METTL25: variants seen among roughly 807,000 people sequenced by gnomAD.
The protein encoded by METTL25 is probable methyltransferase-like protein 25.
Under a neutral mutation model 71.6 loss-of-function variants are expected in METTL25, and 64 were observed. The ratio of observed to expected loss-of-function variants is 0.89; its 90% CI spans 0.73 to 1.10. METTL25 has a LOEUF of 1.10. Ranked by LOEUF, METTL25 falls within the 50% of genes least tolerant of loss-of-function variation. The probability of loss-of-function intolerance (pLI) is 0.00; values close to 1 mark genes in which losing one functional copy is unlikely to be tolerated. For missense variants in METTL25, 807 were observed against 707.0 expected, an observed-to-expected ratio of 1.14 and a Z score of -1.60; for synonymous variants, 287 against 250.3, an observed-to-expected ratio of 1.15 and a Z score of -1.38.
chr12:82,426,386 C>CT (rs1197128621), intron 5 of METTL25, among the ~76,000 whole-genome samples: 4 of 152,036 alleles, frequency 2.6e-5, no homozygotes, highest in African/African-American at 9.7e-5. Flanking sequence ...TTTCCTGTAG[C>CT]TTTGAGCCAA....
chr12:82,374,320 G>T (rs1647121657), intron 1 of METTL25: 1 of 152,290 alleles, frequency 6.6e-6, no homozygotes, highest in Admixed American at 6.5e-5. Context: ...GGTTGCTGCT[G>T]CTGGCTGGGG....
At chr12:82,478,076 T>C (rs1592791094) in intron 11 of METTL25, among the ~76,000 whole-genome samples, 2 of 151,986 alleles carry the variant, frequency 1.3e-5, no homozygotes, top group South Asian at 4.1e-4. Context: ...CTAATTTGTA[T>C]TTTTATGGAG....
intron 5 of METTL25, among the ~76,000 whole-genome samples, chr12:82,416,235 C>G (rs1421142042): frequency 6.6e-6 from 1 of 152,060 alleles, no homozygotes; most frequent in East Asian, 1.9e-4. Context: ...GACAACAGCA[C>G]ATAAACATTA....
At chr12:82,472,014 T>C (rs975704345) in intron 9 of METTL25, among the ~76,000 whole-genome samples, 15 of 152,214 alleles carry the variant, frequency 9.9e-5, no homozygotes, top group African/African-American at 3.1e-4. Context: ...ATTAATCTTA[T>C]AGATTGCATT....
intron 5 of METTL25, chr12:82,407,922 T>C (rs1887229100): frequency 4.1e-6 from 4 of 984,954 alleles, no homozygotes; most frequent in Non-Finnish European, 4.8e-6. Context: ...TTTTTCTCAC[T>C]GTATCTTTGC....
chr12:82,380,256 A>G (rs189067204), intron 1 of METTL25, among the ~76,000 whole-genome samples: 5 of 152,224 alleles, frequency 3.3e-5, no homozygotes, highest in Admixed American at 1.3e-4. Context: ...TTTGCCAAGG[A>G]TAATGACCTC....
At position 82,358,702 on chromosome 12, in the gene METTL25, T is replaced by C; in HGVS notation, c.137T>C (p.Val46Ala). 6.2e-7 allele frequency: 1 copy of C among 1,613,876 alleles called. No homozygotes were observed. The highest frequency in any genetic ancestry group is 1.1e-5 in the South Asian group (1 of 91,070). ...AHTVDFYTES[V>A]WEELVDLPPE... ...ACCGTGGATTTCTACACAGAATCCG[T>C]GTGGGAGGAGCTGGTCGACTTGCCA... The change falls in exon 1 of 12, where the codon GTG becomes GCG. Residue 46 changes from valine (V) to alanine (A), a missense_variant. Val to Ala is a moderately conservative substitution (Grantham distance 64). Transcript: ENST00000248306.
At chr12:82,388,477 T>G (rs1885258839) in intron 2 of METTL25, among the ~76,000 whole-genome samples, 1 of 151,922 alleles carries the variant, frequency 6.6e-6, no homozygotes, top group Admixed American at 6.6e-5. Context: ...CGACTGGCAA[T>G]GAAAGGTCTA....
rs1041703796 is a variant in METTL25, at chr12:82,399,098, C to T, written c.835C>T (p.Pro279Ser). ...AAAGATGCCTACCTCAGCTATTTTG[C>T]CTGATTTTTCTGGCTCTGTAATTTC... ...QEKMPTSAILPDFSGSVISNI... is the reference protein window; with the variant it reads ...QEKMPTSAILSDFSGSVISNI... The change falls in exon 4 of 12, where the codon CCT becomes TCT. Residue 279 changes from proline to serine, a missense_variant. By Grantham distance (74) the Pro-to-Ser change is moderately conservative. Coordinates refer to ENST00000248306, the MANE Select transcript of METTL25 (RefSeq NM_032230.3). 1.2e-6 allele frequency: 2 copies of T among 1,613,458 alleles called. No individual in the cohort carries two copies. The highest frequency in any genetic ancestry group is 2.7e-5 in the African/African-American group (2 of 74,908).
chr12:82,470,609 A>C (rs1892516742), intron 9 of METTL25, among the ~76,000 whole-genome samples: 1 of 152,206 alleles, frequency 6.6e-6, no homozygotes, highest in South Asian at 2.1e-4. Flanking sequence ...ATAGGAAAAA[A>C]AAAGCCTTTC....
At chr12:82,390,545 TAGA>T (rs1330581874) in intron 3 of METTL25, among the ~76,000 whole-genome samples, 1 of 152,114 alleles carries the variant, frequency 6.6e-6, no homozygotes, top group African/African-American at 2.4e-5. Context: ...TTCTTATCTC[TAGA>T]AGAAGATCGG....
intron 11 of METTL25, 41 bp downstream of exon 11, chr12:82,477,393 T>A: frequency 9.1e-7 from 1 of 1,098,558 alleles, no homozygotes; most frequent in Non-Finnish European, 1.3e-6. Flanking sequence ...AATATCTTAT[T>A]AAATACAGTA....
intron 5 of METTL25, among the ~76,000 whole-genome samples, chr12:82,425,193 A>G (rs1229036277): frequency 6.6e-6 from 1 of 152,062 alleles, no homozygotes; most frequent in Non-Finnish European, 1.5e-5. Context: ...AACTTGGGCA[A>G]TTTTATTATG....
At chr12:82,363,151 C>T (rs1166120592) in intron 1 of METTL25, among the ~76,000 whole-genome samples, 1 of 152,150 alleles carries the variant, frequency 6.6e-6, no homozygotes, top group Non-Finnish European at 1.5e-5. Context: ...TGAGTATAAA[C>T]GCTGCCTGAA....
At chr12:82,387,713 G>GTGCA (rs1555204982) in intron 2 of METTL25, among the ~76,000 whole-genome samples, 21 of 30,250 alleles carry the variant, frequency 6.9e-4, no homozygotes, top group South Asian at 4.7e-3. Flanking sequence ...ACACACACAC[G>GTGCA]CGCACACACA....
chr12:82,459,429 A>T (rs1279504796), intron 9 of METTL25, among the ~76,000 whole-genome samples: 4 of 152,116 alleles, frequency 2.6e-5, no homozygotes, highest in Non-Finnish European at 5.9e-5. Context: ...GGAGTTTGAG[A>T]CTAGCCTGAG....
intron 11 of METTL25, among the ~76,000 whole-genome samples, chr12:82,478,677 G>T (rs1422864794): frequency 6.6e-6 from 1 of 151,626 alleles, no homozygotes; most frequent in Non-Finnish European, 1.5e-5. Flanking sequence ...TTTGTGATTG[G>T]CCACTTCCAG....
intron 1 of METTL25, among the ~76,000 whole-genome samples, chr12:82,368,029 C>T (rs1293961947): frequency 1.3e-5 from 2 of 152,024 alleles, no homozygotes; most frequent in Admixed American, 6.6e-5. Flanking sequence ...TATATTAAAA[C>T]GTAGTGTGCA....
At chr12:82,441,292 TTA>T (rs71068929) in intron 8 of METTL25, among the ~76,000 whole-genome samples, 2 of 148,642 alleles carry the variant, frequency 1.3e-5, no homozygotes, top group African/African-American at 4.9e-5. Context: ...CACTAACATC[TTA>T]TATATATATA....
Sources: allele counts gnomAD v4.1 joint callset (sites outside exome capture counted in the v4.1 genomes callset), GRCh38; gene constraint gnomAD v4.1.1; transcripts MANE v1.5; gene names NCBI Gene and HGNC (gene_info 2026-07-23, HGNC 2026-07-21).